Variants in TTC17 observed in about 807,000 individuals in gnomAD.
TTC17 encodes the protein tetratricopeptide repeat domain 17, also known as tetratricopeptide repeat protein 17.
Under a neutral mutation model 143.8 loss-of-function variants are expected in TTC17, and 58 were observed. The ratio of observed to expected loss-of-function variants is 0.40; its 90% CI spans 0.33 to 0.50. The LOEUF is 0.50. Ranked by LOEUF, TTC17 falls within the 20% of genes least tolerant of loss-of-function variation. TTC17 has a pLI of 0.49. For missense variants in TTC17, 1,273 were observed against 1,392.5 expected, an observed-to-expected ratio of 0.91 and a Z score of 1.37; for synonymous variants, 501 against 497.8, an observed-to-expected ratio of 1.01 and a Z score of -0.09.
intron 18 of TTC17, chr11:43,445,883 A>G (rs1947529294): frequency 8.2e-6 from 7 of 855,670 alleles, no homozygotes; most frequent in Admixed American, 2.0e-5. Flanking sequence ...TAGATTTTCT[A>G]AGAACTAATA....
At chr11:43,460,747 A>G (rs989516086) in intron 21 of TTC17, among the ~76,000 whole-genome samples, 1 of 152,122 alleles carries the variant, frequency 6.6e-6, no homozygotes, top group Non-Finnish European at 1.5e-5. Flanking sequence ...GCTTTACTCA[A>G]ATGTCTGGGG....
At chr11:43,381,918 CT>C (rs1191521881) in intron 2 of TTC17, among the ~76,000 whole-genome samples, 1 of 152,140 alleles carries the variant, frequency 6.6e-6, no homozygotes, top group Non-Finnish European at 1.5e-5. Flanking sequence ...AGGAGTTTGG[CT>C]TTGAAATGTT....
intron 16 of TTC17, among the ~76,000 whole-genome samples, chr11:43,433,334 G>A (rs1191089058): frequency 6.6e-6 from 1 of 152,152 alleles, no homozygotes; most frequent in Non-Finnish European, 1.5e-5. Context: ...GCGTAAGAAC[G>A]TTAGTATTCA....
chr11:43,394,263 G>A (rs1271744363), intron 5 of TTC17, among the ~76,000 whole-genome samples: 1 of 152,224 alleles, frequency 6.6e-6, no homozygotes, highest in African/African-American at 2.4e-5. Flanking sequence ...GATTATGTAA[G>A]GGTCTGAAAT....
chr11:43,450,605 T>C (rs1947639564), intron 20 of TTC17, among the ~76,000 whole-genome samples: 1 of 152,198 alleles, frequency 6.6e-6, no homozygotes, highest in Non-Finnish European at 1.5e-5. Flanking sequence ...TAGCAAAGCA[T>C]ATACCTAGAA....
chr11:43,391,655 TTC>T (rs1857394831), intron 4 of TTC17, 79 bp downstream of exon 4: 1 of 1,253,232 alleles, frequency 8.0e-7, no homozygotes, highest in East Asian at 2.5e-5. Flanking sequence ...TAAAGACCAT[TTC>T]TCTTTCTTCT....
At position 43,414,749 on chromosome 11, in the gene TTC17, TACA is replaced by T. The variant is rs1946738144; in HGVS notation, c.2228_2230del (p.Asn743del). ...CTGTATGCAGTTTTATCCTTTTCTG[TACA>T]ACATCACTTCTTCTGTTTGCAGTGG... On this transcript the variant is annotated inframe_deletion, in exon 16 of 24. Transcript: ENST00000039989. The T allele has an allele frequency of 3.7e-6, 6 of 1,613,342 alleles. No individual in the cohort carries two copies. Among genetic ancestry groups the T allele is most frequent in the Non-Finnish European group, 5.1e-6 (6 of 1,179,680 alleles).
intron 1 of TTC17, among the ~76,000 whole-genome samples, chr11:43,373,044 G>A (rs1856630541): frequency 6.6e-6 from 1 of 152,120 alleles, no homozygotes; most frequent in Admixed American, 6.5e-5. Flanking sequence ...TATGTATGTA[G>A]AAGTTATCCT....
chr11:43,379,294 C>T lies in TTC17; in HGVS notation c.221C>T (p.Ala74Val), dbSNP rs1411339018. ...HDLVILMRQEATVNYLKELEK... is the reference protein window; with the variant it reads ...HDLVILMRQEVTVNYLKELEK... ...CTAGTCATATTAATGAGACAAGAAG[C>T]AACAGTTAACTACCTCAAAGAATTA... is the stretch of plus-strand genomic sequence containing the variant. The change falls in exon 2 of 24, where the codon GCA (alanine) becomes GTA (valine). Residue 74 changes from alanine to valine, a missense_variant. By Grantham distance (64) the Ala-to-Val change is moderately conservative. Around this residue, in one of 3 missense-constraint regions of TTC17, gnomAD observed 325 missense variants for 444.2 expected, o/e 0.73. Transcript: ENST00000039989. The T allele has an allele frequency of 1.2e-6, 2 of 1,611,780 alleles. No homozygotes were observed. Among genetic ancestry groups the T allele is most frequent in the African/African-American group, 2.7e-5 (2 of 74,802 alleles).
Position 43,462,921 on chromosome 11 carries a change from C to CTTTTTTTTTTTTTTTT in TTC17, c.3030+11668_3030+11669insTTTTTTTTTTTTTTTT, listed in dbSNP as rs562594929. 1.2e-4 allele frequency among the ~76,000 whole-genome samples: 14 copies of CTTTTTTTTTTTTTTTT among 117,728 alleles called. 3 individuals are homozygous for CTTTTTTTTTTTTTTTT. Among genetic ancestry groups the CTTTTTTTTTTTTTTTT allele is most frequent in the Admixed American group, 1.9e-4 (2 of 10,378 alleles). The allele number at this position is 117,728 out of a possible 152,430, so 77.2% of individuals were successfully genotyped here. A position where few individuals can be genotyped will look rare whatever the true frequency, so the allele number is the denominator to read the frequency against. On this transcript the variant is annotated intron_variant, in intron 21 of 23. Transcript: ENST00000039989. The stretch of plus-strand genomic sequence containing the variant: ...CACTGAATCCAGCAGTGACAAAATT[C>CTTTTTTTTTTTTTTTT]TTTTTTTTTTTTGAGACAGAGTCTC...
intron 1 of TTC17, among the ~76,000 whole-genome samples, chr11:43,371,263 A>G (rs1043572157): frequency 6.6e-6 from 1 of 152,092 alleles, no homozygotes; most frequent in Non-Finnish European, 1.5e-5. Flanking sequence ...GACATTGTCT[A>G]CCTGGCAGTG....
intron 19 of TTC17, chr11:43,448,491 A>T (rs1947594019): frequency 6.0e-6 from 1 of 167,984 alleles, no homozygotes; most frequent in Non-Finnish European, 1.3e-5. Flanking sequence ...CTACCAAGAC[A>T]TAGTAGATGC....
rs74757847 is a variant in TTC17 at position 43,439,471 on chromosome 11, T to G, written c.2252-3854T>G. On this transcript the variant is annotated intron_variant, in intron 16 of 23. Coordinates refer to ENST00000039989, the MANE Select transcript of TTC17 (RefSeq NM_018259.6). ...AGCTTCATGTCTTGTTTTTTTTTGGTTTTTTTTTTTTTTTGAGATGGAGTC... is the reference window on the plus strand; with the variant it reads ...AGCTTCATGTCTTGTTTTTTTTTGGGTTTTTTTTTTTTTTGAGATGGAGTC... Among the ~76,000 whole-genome samples the G allele has an allele frequency of 4.0e-3, 550 of 138,494 alleles. 24 individuals carry two copies. In the East Asian group the frequency reaches 0.093, roughly 24 times the overall value. The allele number at this position is 138,494 out of a possible 152,430, so 90.9% of individuals were successfully genotyped here.
At chr11:43,409,944 C>T (rs538645818) in intron 15 of TTC17, among the ~76,000 whole-genome samples, 3 of 151,754 alleles carry the variant, frequency 2.0e-5, no homozygotes, top group African/African-American at 4.8e-5. Flanking sequence ...CAGGTTCAAG[C>T]TCTTCTCGTG....
At chr11:43,468,798 G>A (rs540226319) in intron 21 of TTC17, among the ~76,000 whole-genome samples, 3 of 152,084 alleles carry the variant, frequency 2.0e-5, no homozygotes, top group Admixed American at 6.6e-5. Context: ...AGCCAGCAAC[G>A]CCTGTAGTCC....
intron 15 of TTC17, among the ~76,000 whole-genome samples, chr11:43,414,191 T>C (rs1285390031): frequency 1.3e-5 from 2 of 152,128 alleles, no homozygotes; most frequent in Non-Finnish European, 2.9e-5. Flanking sequence ...CATGTACTCA[T>C]AGGAGAACAT....
intron 1 of TTC17, among the ~76,000 whole-genome samples, chr11:43,368,991 G>T (rs759268019): frequency 6.6e-6 from 1 of 152,112 alleles, no homozygotes. Context: ...ATGGCATCAC[G>T]GCTCAGCCTC....
At chr11:43,361,209 T>C (rs969253817) in intron 1 of TTC17, among the ~76,000 whole-genome samples, 1 of 152,212 alleles carries the variant, frequency 6.6e-6, no homozygotes, top group South Asian at 2.1e-4. Context: ...ATCCAAACTA[T>C]CAATTTAGAT....
intron 16 of TTC17, among the ~76,000 whole-genome samples, chr11:43,418,387 T>C (rs1003615553): frequency 6.6e-5 from 10 of 152,154 alleles, no homozygotes; most frequent in African/African-American, 2.2e-4. Flanking sequence ...ACTTGCCCAC[T>C]CTTGAATTGA....
Sources: allele counts gnomAD v4.1 joint callset (sites outside exome capture counted in the v4.1 genomes callset), GRCh38; gene constraint gnomAD v4.1.1; regional missense constraint gnomAD v4.1.1; transcripts MANE v1.5; gene names NCBI Gene and HGNC (gene_info 2026-07-23, HGNC 2026-07-21).